ULK4: variants seen among roughly 807,000 people sequenced by gnomAD.
The protein encoded by ULK4 is unc-51 like kinase 4.
Under a neutral mutation model 160.6 loss-of-function variants are expected in ULK4, and 133 were observed. That is an observed-to-expected ratio of 0.83 (90% CI 0.72 to 0.96). The LOEUF is 0.96. Among genes scored for constraint, ULK4 ranks in the 40% least tolerant of loss-of-function variants. The pLI is 0.00. For missense variants in ULK4, 1,580 were observed against 1,499.5 expected (o/e 1.05, Z -0.89); for synonymous variants, 534 against 539.8 (o/e 0.99, Z 0.15).
At chr3:41,293,134 C>T (rs1022948631) in intron 35 of ULK4, among the ~76,000 whole-genome samples, 7 of 150,716 alleles carry the variant, frequency 4.6e-5, no homozygotes, top group Admixed American at 3.3e-4. Context: ...GGACTGGTAA[C>T]CTAAAGAATA....
At chr3:41,372,460 T>C (rs1009191126) in intron 35 of ULK4, among the ~76,000 whole-genome samples, 2 of 152,172 alleles carry the variant, frequency 1.3e-5, no homozygotes, top group Non-Finnish European at 2.9e-5. Context: ...GCAGAAACCC[T>C]ACAAGCCAGA....
intron 31 of ULK4, among the ~76,000 whole-genome samples, chr3:41,569,017 A>G (rs2087878950): frequency 6.6e-6 from 1 of 152,200 alleles, no homozygotes; most frequent in African/African-American, 2.4e-5. Context: ...TTTACTATAA[A>G]GGACATTACA....
At chr3:41,858,969 T>C (rs1311086148) in intron 17 of ULK4, among the ~76,000 whole-genome samples, 1 of 152,200 alleles carries the variant, frequency 6.6e-6, no homozygotes, top group African/African-American at 2.4e-5. Flanking sequence ...GTATTACTTG[T>C]CTTGCAGCAG....
intron 32 of ULK4, among the ~76,000 whole-genome samples, chr3:41,517,254 T>C (rs2085781992): frequency 1.3e-5 from 2 of 152,178 alleles, no homozygotes; most frequent in African/African-American, 4.8e-5. Flanking sequence ...AATGGTGCTA[T>C]GATTTGAATC....
intron 35 of ULK4, among the ~76,000 whole-genome samples, chr3:41,280,541 C>CCT (rs2079330831): frequency 1.3e-5 from 2 of 152,168 alleles, no homozygotes; most frequent in Admixed American, 1.3e-4. Flanking sequence ...AACTGAACAA[C>CCT]CTGCTCCTGA....
intron 32 of ULK4, among the ~76,000 whole-genome samples, chr3:41,468,055 A>G (rs1207317913): frequency 6.6e-6 from 1 of 152,218 alleles, no homozygotes; most frequent in Non-Finnish European, 1.5e-5. Context: ...GAATTTACTG[A>G]GCACTTGCTC....
intron 32 of ULK4, among the ~76,000 whole-genome samples, chr3:41,552,291 C>T (rs112880285): frequency 0.02 from 3,109 of 152,024 alleles, 111 homozygotes; most frequent in African/African-American, 0.072. Context: ...AAATAAAAAG[C>T]ATCCAAACAG....
chr3:41,625,481 C>A (rs2033461855), intron 30 of ULK4, among the ~76,000 whole-genome samples: 1 of 152,174 alleles, frequency 6.6e-6, no homozygotes, highest in Non-Finnish European at 1.5e-5. Context: ...GCGCCATCTA[C>A]TCAGCGCACC....
At chr3:41,353,906 T>G (rs2080975449) in intron 35 of ULK4, among the ~76,000 whole-genome samples, 1 of 152,050 alleles carries the variant, frequency 6.6e-6, no homozygotes, top group Non-Finnish European at 1.5e-5. Context: ...CCTTAGAAGT[T>G]TATTTCTTGT....
intron 17 of ULK4, among the ~76,000 whole-genome samples, chr3:41,876,729 A>C (rs1003695194): frequency 1.3e-5 from 2 of 152,234 alleles, no homozygotes; most frequent in Non-Finnish European, 2.9e-5. Flanking sequence ...TTCCATAAAC[A>C]TAATATGAAA....
chr3:41,869,400 C>A (rs946039766), intron 17 of ULK4, among the ~76,000 whole-genome samples: 5 of 151,968 alleles, frequency 3.3e-5, no homozygotes, highest in Non-Finnish European at 7.4e-5. Flanking sequence ...CATGATGAAA[C>A]CCCATCTCTA....
At chr3:41,383,253 T>C (rs2081715168) in intron 35 of ULK4, among the ~76,000 whole-genome samples, 1 of 151,918 alleles carries the variant, frequency 6.6e-6, no homozygotes, top group South Asian at 2.1e-4. Context: ...CGCCTGCCAC[T>C]ACACCTGGCT....
intron 20 of ULK4, among the ~76,000 whole-genome samples, chr3:41,794,428 GGCA>G (rs1263347202): frequency 1.3e-5 from 2 of 151,998 alleles, no homozygotes; most frequent in African/African-American, 4.8e-5. Flanking sequence ...CACTTTGGGA[GGCA>G]GACGTGGGTG....
chr3:41,767,785 G>C (rs1333406330), intron 21 of ULK4, among the ~76,000 whole-genome samples: 2 of 152,110 alleles, frequency 1.3e-5, no homozygotes, highest in Non-Finnish European at 2.9e-5. Context: ...AGGAAAGTGA[G>C]ATTTTTTTCT....
Position 41,791,424 on chromosome 3 carries a change from C to T in ULK4, c.2011-1581G>A, listed in dbSNP as rs191834873. On this transcript the variant is annotated intron_variant, in intron 20 of 36. Coordinates refer to ENST00000301831, the MANE Select transcript of ULK4 (RefSeq NM_017886.4). ...GGATTACAGGTATGTGCCACTGCAC[C>T]CAGCCTCAATCTTTATGAAAATGCT... 2.3e-4 allele frequency among the ~76,000 whole-genome samples: 35 copies of T among 152,298 alleles called. No individual in the cohort carries two copies. The Middle Eastern group carries it at 0.017, about 74-fold the overall frequency.
At position 41,740,547 on chromosome 3, in the gene ULK4, T is replaced by C. The variant is rs77639572; in HGVS notation, c.2321+13814A>G. On this transcript the variant is annotated intron_variant, in intron 22 of 36. Coordinates refer to ENST00000301831, the MANE Select transcript of ULK4 (RefSeq NM_017886.4). ...GAGCCATCATATCATTTTTATCTGA[T>C]CTTGACAGCTCAATTTCACCACCTG... 6.9e-3 allele frequency among the ~76,000 whole-genome samples: 1,042 copies of C among 152,034 alleles called. 45 individuals are homozygous for C. In the East Asian group the frequency reaches 0.12, roughly 18 times the overall value.
At chr3:41,812,275 A>C (rs1317170754) in intron 19 of ULK4, among the ~76,000 whole-genome samples, 1 of 152,170 alleles carries the variant, frequency 6.6e-6, no homozygotes. Flanking sequence ...AGAGAGCAAG[A>C]CCCTGTCTCA....
At chr3:41,504,680 G>A (rs556308869) in intron 32 of ULK4, among the ~76,000 whole-genome samples, 9 of 152,148 alleles carry the variant, frequency 5.9e-5, no homozygotes, top group Admixed American at 1.3e-4. Context: ...GCACAATGTC[G>A]TAAAAAATCT....
chr3:41,900,589 G>A, intron 13 of ULK4, 136 bp downstream of exon 13: 1 of 703,830 alleles, frequency 1.4e-6, no homozygotes, highest in Non-Finnish European at 2.3e-6. Flanking sequence ...ATGCAGACAT[G>A]CAGCACAAAT....
Sources: gnomAD v4.1 joint callset for allele counts (sites outside exome capture counted in the v4.1 genomes callset) on GRCh38, gnomAD v4.1.1 for gene constraint, MANE v1.5 for transcripts, NCBI Gene and HGNC (gene_info 2026-07-23, HGNC 2026-07-21) for gene names.